Variants in CEP170 observed in about 807,000 individuals in gnomAD.
CEP170 encodes centrosomal protein of 170 kDa.
In CEP170, 21 loss-of-function variants were observed where a neutral mutation model predicts 151.9. That is an observed-to-expected ratio of 0.14 (90% CI 0.10 to 0.20). The LOEUF is 0.20. Among genes scored for constraint, CEP170 ranks in the 10% least tolerant of loss-of-function variants. The probability of loss-of-function intolerance (pLI) is 1.00; values close to 1 mark genes in which losing one functional copy is unlikely to be tolerated. For synonymous variants in CEP170, 356 were observed against 648.8 expected (o/e 0.55, Z 6.86); for missense variants, 964 against 1,892.9 (o/e 0.51, Z 9.11).
chr1:243,151,274 C>T lies in CEP170; in HGVS notation c.3911+4947G>A, dbSNP rs1333462393. 1.3e-4 allele frequency among the ~76,000 whole-genome samples: 19 copies of T among 149,822 alleles called. No homozygotes were observed. The South Asian group carries it at 3.7e-3, about 29-fold the overall frequency. On this transcript the variant is annotated intron_variant, in intron 14 of 19. Coordinates refer to ENST00000366542, the MANE Select transcript of CEP170 (RefSeq NM_014812.3). ...ATGCCTTTTGTGTTCCCTACTCCCA[C>T]TAATCTCCCATCTGATCAACCATGG...
intron 1 of CEP170, 26 bp from the exon 2 acceptor site, chr1:243,225,347 T>G (rs567462863): frequency 1.1e-6 from 1 of 929,446 alleles, no homozygotes; most frequent in Admixed American, 3.3e-5. Context: ...AAGAAAAATA[T>G]ACGTTCAGAT....
chr1:243,196,605 C>T (rs2789163), intron 7 of CEP170, among the ~76,000 whole-genome samples: 4 of 152,002 alleles, frequency 2.6e-5, no homozygotes, highest in South Asian at 2.1e-4. Flanking sequence ...AAAATTTTAA[C>T]GGCAAGATAA....
At chr1:243,144,441 G>A (rs1352933324) in intron 14 of CEP170, among the ~76,000 whole-genome samples, 1 of 152,138 alleles carries the variant, frequency 6.6e-6, no homozygotes, top group Non-Finnish European at 1.5e-5. Flanking sequence ...ATTAACTGTT[G>A]ATGTGATTCT....
At chr1:243,175,300 C>A (rs1406815053) in intron 10 of CEP170, 1 of 152,224 alleles carries the variant, frequency 6.6e-6, no homozygotes, top group Admixed American at 6.5e-5. Context: ...TCAGAGACAG[C>A]TATACATACA....
intron 10 of CEP170, among the ~76,000 whole-genome samples, chr1:243,173,210 G>A (rs556775563): frequency 1.3e-5 from 2 of 151,764 alleles, no homozygotes; most frequent in East Asian, 2.0e-4. Flanking sequence ...ACAGGCATGC[G>A]CAACCATGCC....
At chr1:243,249,345 C>T (rs545641374) in intron 1 of CEP170, among the ~76,000 whole-genome samples, 10 of 151,874 alleles carry the variant, frequency 6.6e-5, no homozygotes, top group African/African-American at 2.2e-4. Flanking sequence ...TTAAGCCCAG[C>T]GGGTCAAGGC....
intron 4 of CEP170, among the ~76,000 whole-genome samples, chr1:243,208,345 T>G (rs2061555917): frequency 6.6e-6 from 1 of 152,124 alleles, no homozygotes; most frequent in Non-Finnish European, 1.5e-5. Context: ...TTTAGATGTA[T>G]GTCATTTATC....
In CEP170 at chr1:243,245,908, T is replaced by A. The variant is rs181217619; in HGVS notation, c.-42+9132A>T. ...CTGCAGCAAGCCATGAACACACCAC[T>A]CCACTCTAGCCTGGGTAACAGAGCG... On this transcript the variant is annotated intron_variant, in intron 1 of 19. Coordinates refer to ENST00000366542, the MANE Select transcript of CEP170 (RefSeq NM_014812.3). 3.4e-3 allele frequency among the ~76,000 whole-genome samples: 506 copies of A among 150,286 alleles called. 3 individuals are homozygous for A. Among genetic ancestry groups the A allele is most frequent in the African/African-American group, 0.011 (460 of 40,804 alleles).
At chr1:243,136,428 T>C (rs2055089312) in intron 16 of CEP170, 197 bp from the exon 17 acceptor site, 1 of 638,420 alleles carries the variant, frequency 1.6e-6, no homozygotes, top group South Asian at 2.5e-5. Context: ...AAAGGAGTTC[T>C]TATTATTAAA....
chr1:243,193,358 C>G (rs535689532), intron 7 of CEP170, among the ~76,000 whole-genome samples: 1 of 151,926 alleles, frequency 6.6e-6, no homozygotes, highest in Non-Finnish European at 1.5e-5. Context: ...CTCCCTCCCC[C>G]CATATAGATA....
At chr1:243,222,550 A>T (rs1416271430) in intron 2 of CEP170, among the ~76,000 whole-genome samples, 1 of 152,244 alleles carries the variant, frequency 6.6e-6, no homozygotes, top group Non-Finnish European at 1.5e-5. Flanking sequence ...GTCACAGAAG[A>T]AACAGTCTGT....
intron 13 of CEP170, among the ~76,000 whole-genome samples, chr1:243,163,554 T>C (rs2058226935): frequency 6.6e-6 from 1 of 152,230 alleles, no homozygotes; most frequent in African/African-American, 2.4e-5. Flanking sequence ...TATATTCAAT[T>C]ACACCTAATT....
At chr1:243,188,726 T>C (rs1030502758) in intron 8 of CEP170, among the ~76,000 whole-genome samples, 7 of 152,224 alleles carry the variant, frequency 4.6e-5, no homozygotes, top group African/African-American at 1.7e-4. Context: ...AGGAGCAAAG[T>C]TTTTTGTTTT....
At chr1:243,202,702 T>G (rs1242358847) in intron 4 of CEP170, among the ~76,000 whole-genome samples, 1 of 152,066 alleles carries the variant, frequency 6.6e-6, no homozygotes, top group Admixed American at 6.6e-5. Context: ...GGTAAAAACT[T>G]TGCTTTAAAT....
rs535348505 is a variant in CEP170, at chr1:243,211,769, A to G, written c.274+117T>C. The stretch of plus-strand genomic sequence containing the variant: ...TGTATTTTAGTATAGGAATGCACCC[A>G]ATAAATAGAAATTCTGGCATATCTA... On this transcript the variant is annotated intron_variant, in intron 4 of 19. Coordinates refer to ENST00000366542, the MANE Select transcript of CEP170 (RefSeq NM_014812.3). 265 of 1,193,692 alleles carry G rather than the reference A, an allele frequency of 2.2e-4. 1 individual carries two copies. In the African/African-American group the frequency reaches 3.7e-3, roughly 17 times the overall value. 73.9% of individuals were successfully genotyped at this position (1,193,692 alleles called of 1,614,324 possible).
chr1:243,166,232 C>T, intron 12 of CEP170, 116 bp from the exon 13 acceptor site: 2 of 1,372,690 alleles, frequency 1.5e-6, no homozygotes, highest in Non-Finnish European at 1.9e-6. Flanking sequence ...GCCCCTTATT[C>T]CCCCAGGATA....
rs558602683 is a variant in CEP170 at position 243,126,428 on chromosome 1, T to G, written c.*21A>C. 6.3e-7 allele frequency: 1 copy of G among 1,592,048 alleles called. No individual in the cohort carries two copies. The highest frequency in any genetic ancestry group is 2.2e-5 in the East Asian group (1 of 44,516). On this transcript the variant is annotated 3_prime_UTR_variant, in exon 20 of 20. Transcript: ENST00000366542. The stretch of plus-strand genomic sequence containing the variant: ...TCCTAGCCATTCCACAGGTAATGAT[T>G]TTTCAACAATCAAGAGAAAGTCATT...
chr1:243,140,387 G>T (rs1412644963), intron 15 of CEP170: 8 of 282,222 alleles, frequency 2.8e-5, no homozygotes, highest in African/African-American at 1.5e-4. Flanking sequence ...TCTCCAAATG[G>T]AAAACAGATG....
intron 17 of CEP170, among the ~76,000 whole-genome samples, chr1:243,131,154 G>C (rs956920321): frequency 6.8e-6 from 1 of 148,132 alleles, no homozygotes; most frequent in Non-Finnish European, 1.5e-5. Context: ...GGTTGCCCCT[G>C]AAAAAAAAAT....
Sources: gnomAD v4.1 joint callset for allele counts (sites outside exome capture counted in the v4.1 genomes callset) on GRCh38, gnomAD v4.1.1 for gene constraint, MANE v1.5 for transcripts, NCBI Gene and HGNC (gene_info 2026-07-23, HGNC 2026-07-21) for gene names.